Variants in ZNF292 observed in about 807,000 individuals in gnomAD.
ZNF292 encodes 16 zinc-finger domain protein.
In ZNF292, 26 loss-of-function variants were observed where a neutral mutation model predicts 217.9. That is an observed-to-expected ratio of 0.12 (90% CI 0.09 to 0.17). The LOEUF (loss-of-function observed/expected upper bound fraction) is 0.17, where lower values mean the gene tolerates loss of function less well. ZNF292 is among the 10% of genes least tolerant of loss of function. The pLI is 1.00. For synonymous variants in ZNF292, 1,257 were observed against 1,124.1 expected (o/e 1.12, Z -2.37); for missense variants, 2,904 against 3,175.2 (o/e 0.91, Z 2.05).
chr6:87,173,391 T>A (rs931446021), intron 1 of ZNF292: 2 of 153,486 alleles, frequency 1.3e-5, no homozygotes, highest in African/African-American at 4.8e-5. Flanking sequence ...AGGCGAGCAT[T>A]CCAAAAGTGG....
At chr6:87,234,325 G>C (rs1349649719) in intron 5 of ZNF292, among the ~76,000 whole-genome samples, 1 of 152,118 alleles carries the variant, frequency 6.6e-6, no homozygotes, top group Non-Finnish European at 1.5e-5. Context: ...TTGGGAGGCC[G>C]AGGCGGGCGG....
rs185642825 is a variant in ZNF292 at position 87,245,716 on chromosome 6, G to T, written c.1020+72G>T. 4 of 997,970 alleles carry T rather than the reference G, an allele frequency of 4.0e-6. No homozygotes were observed. In the East Asian group the frequency reaches 1.2e-4, roughly 31 times the overall value. The allele number at this position is 997,970 out of a possible 1,614,324, so 61.8% of individuals were successfully genotyped here. A position where few individuals can be genotyped will look rare whatever the true frequency, so the allele number is the denominator to read the frequency against. ...ATTAATAAAAGACTATAACTTTTAT[G>T]ATTTTGGCTCCCTTTTCAGTGATTT... On this transcript the variant is annotated intron_variant, in intron 7 of 7. Transcript: ENST00000369577.
At chr6:87,202,356 T>TA (rs1380363182) in intron 1 of ZNF292, among the ~76,000 whole-genome samples, 2 of 152,216 alleles carry the variant, frequency 1.3e-5, no homozygotes, top group Non-Finnish European at 2.9e-5. Context: ...ACTGCTTTTT[T>TA]AAAAAAATAG....
At chr6:87,155,843 T>C in intron 1 of ZNF292, 84 bp downstream of exon 1, 1 of 1,429,246 alleles carries the variant, frequency 7.0e-7, no homozygotes, top group Non-Finnish European at 9.2e-7. Flanking sequence ...CGAGAGGTGG[T>C]CGCCGCTTCC....
chr6:87,245,188 C>T lies in ZNF292; in HGVS notation c.879-315C>T, dbSNP rs548073464. ...CCCGGGAGGCAAGGTTGCAGTGAGC[C>T]GAGATTGCGTCACTGCACTTCAGCC... On this transcript the variant is annotated intron_variant, in intron 6 of 7. Coordinates refer to ENST00000369577, the MANE Select transcript of ZNF292 (RefSeq NM_015021.3). Among the ~76,000 whole-genome samples, 48 of 151,796 alleles carry T rather than the reference C, an allele frequency of 3.2e-4. No individual in the cohort carries two copies. The South Asian group carries it at 8.1e-3, about 26-fold the overall frequency.
rs756670772 is a variant in ZNF292, at chr6:87,257,860, G to A, written c.4231G>A (p.Glu1411Lys). Residue 1411 changes from glutamate to lysine, a missense_variant, in exon 8 of 8, where the codon GAA (glutamate) becomes AAA (lysine). Coordinates refer to ENST00000369577, the MANE Select transcript of ZNF292 (RefSeq NM_015021.3). ...KPLDGAEIAQ[E>K]LLQSNGQPSL... ...ACTGGATGGAGCCGAAATTGCTCAA[G>A]AACTTCTACAGAGTAATGGACAGCC... 8.1e-6 allele frequency: 13 copies of A among 1,613,736 alleles called. No individual in the cohort carries two copies. The Admixed American group carries it at 2.0e-4, about 25-fold the overall frequency.
chr6:87,263,408 A>G lies in ZNF292; in HGVS notation c.*1607A>G, dbSNP rs904069471. The G allele has an allele frequency of 2.6e-5, 4 of 152,080 alleles. No individual in the cohort carries two copies. The highest frequency in any genetic ancestry group is 9.7e-5 in the African/African-American group (4 of 41,440). 9.4% of individuals were successfully genotyped at this position (152,080 alleles called of 1,614,324 possible). A position where few individuals can be genotyped will look rare whatever the true frequency, so the allele number is the denominator to read the frequency against. On this transcript the variant is annotated 3_prime_UTR_variant, in exon 8 of 8. Coordinates refer to ENST00000369577, the MANE Select transcript of ZNF292 (RefSeq NM_015021.3). Reference sequence around the variant, plus strand: ...ATGAAAATGTGTACATTCCCTGTGCAACATCAGATTTGCAGGAAAAATGAA... The same window carrying G: ...ATGAAAATGTGTACATTCCCTGTGCGACATCAGATTTGCAGGAAAAATGAA...
chr6:87,245,651 A>T lies in ZNF292; in HGVS notation c.1020+7A>T, dbSNP rs528039168. ...TAAAGTTATTAATTCAGAGGTAAGA[A>T]TAATCAGAATATTTTTAAGGTTAAA... On this transcript the variant is annotated splice_region_variant and intron_variant, in intron 7 of 7. Coordinates refer to ENST00000369577, the MANE Select transcript of ZNF292 (RefSeq NM_015021.3). The T allele has an allele frequency of 2.2e-5, 31 of 1,425,470 alleles. No individual in the cohort carries two copies. The East Asian group carries it at 7.0e-4, about 32-fold the overall frequency. 88.3% of individuals were successfully genotyped at this position (1,425,470 alleles called of 1,614,324 possible).
chr6:87,164,043 C>G (rs1433783007), intron 1 of ZNF292, among the ~76,000 whole-genome samples: 2 of 152,190 alleles, frequency 1.3e-5, no homozygotes, highest in Non-Finnish European at 2.9e-5. Flanking sequence ...CCACCTCGCC[C>G]CGCCAAGTAT....
intron 5 of ZNF292, among the ~76,000 whole-genome samples, chr6:87,235,759 C>A (rs561093002): frequency 1.7e-4 from 26 of 152,194 alleles, no homozygotes; most frequent in African/African-American, 6.0e-4. Context: ...CCCTCCCCCC[C>A]ACTTCTCATG....
At chr6:87,244,002 CAG>C (rs1299049858) in intron 6 of ZNF292, among the ~76,000 whole-genome samples, 2 of 152,250 alleles carry the variant, frequency 1.3e-5, no homozygotes, top group East Asian at 3.9e-4. Context: ...CTACAGGAAA[CAG>C]AGATCTTGGT....
chr6:87,167,831 C>T (rs1010497477), intron 1 of ZNF292, among the ~76,000 whole-genome samples: 2 of 152,104 alleles, frequency 1.3e-5, no homozygotes, highest in Non-Finnish European at 2.9e-5. Context: ...TTCGCTGATT[C>T]AGAAAATGCC....
intron 1 of ZNF292, among the ~76,000 whole-genome samples, chr6:87,199,928 A>C (rs116291026): frequency 3.9e-5 from 6 of 152,162 alleles, no homozygotes; most frequent in African/African-American, 1.4e-4. Flanking sequence ...TTCTGAAGTA[A>C]GGATGTATTG....
intron 4 of ZNF292, among the ~76,000 whole-genome samples, chr6:87,222,356 A>G (rs903675531): frequency 1.8e-4 from 28 of 152,072 alleles, no homozygotes; most frequent in African/African-American, 6.3e-4. Context: ...AAATATACCT[A>G]TTTTCCCATA....
chr6:87,216,281 C>T lies in ZNF292; in HGVS notation c.324-18C>T, dbSNP rs374484887. 9.8e-5 allele frequency: 152 copies of T among 1,555,344 alleles called. No homozygotes were observed. Among genetic ancestry groups the T allele is most frequent in the Non-Finnish European group, 1.3e-4 (149 of 1,146,824 alleles). On this transcript the variant is annotated intron_variant, in intron 2 of 7. Coordinates refer to ENST00000369577, the MANE Select transcript of ZNF292 (RefSeq NM_015021.3). The stretch of plus-strand genomic sequence containing the variant: ...TTTTAATAATTATTCCTCTCCTTAC[C>T]AACTTTTTGTTTTTTAGAAGCTGTG...
At chr6:87,211,351 C>A (rs971012535) in intron 1 of ZNF292, among the ~76,000 whole-genome samples, 2 of 152,100 alleles carry the variant, frequency 1.3e-5, no homozygotes, top group African/African-American at 4.8e-5. Flanking sequence ...ATGTGACAAG[C>A]CTCTAGATTT....
In ZNF292 at chr6:87,194,522, A is replaced by G. The variant is rs73483739; in HGVS notation, c.169-21381A>G. 6.9e-3 allele frequency among the ~76,000 whole-genome samples: 1,045 copies of G among 152,306 alleles called. 10 individuals are homozygous for G. The highest frequency in any genetic ancestry group is 0.031 in the Middle Eastern group (9 of 294). ...CAAAATCAGGAATAAGGAGACAACC[A>G]TGGATCTAGGGGGGAGGAACTAAGT... On this transcript the variant is annotated intron_variant, in intron 1 of 7. Coordinates refer to ENST00000369577, the MANE Select transcript of ZNF292 (RefSeq NM_015021.3).
At chr6:87,156,562 A>T (rs1019868633) in intron 1 of ZNF292, among the ~76,000 whole-genome samples, 12 of 152,042 alleles carry the variant, frequency 7.9e-5, no homozygotes, top group Admixed American at 6.5e-5. Context: ...GATTTCCACT[A>T]TCCTTTCTGT....
intron 1 of ZNF292, among the ~76,000 whole-genome samples, chr6:87,179,229 A>G (rs6454590): frequency 0.62 from 90,603 of 145,946 alleles, 29,296 homozygotes; most frequent in African/African-American, 0.82. Flanking sequence ...GCTTGATCTC[A>G]GCTCACTGCA....
Sources: gnomAD v4.1 joint callset for allele counts (sites outside exome capture counted in the v4.1 genomes callset) on GRCh38, gnomAD v4.1.1 for gene constraint, MANE v1.5 for transcripts, NCBI Gene and HGNC (gene_info 2026-07-23, HGNC 2026-07-21) for gene names.